Variants in DPP6 observed in about 807,000 individuals in gnomAD.
The protein encoded by DPP6 is A-type potassium channel modulatory protein DPP6.
In DPP6, 69 loss-of-function variants were observed where a neutral mutation model predicts 122.6. The ratio of observed to expected loss-of-function variants is 0.56; its 90% CI spans 0.46 to 0.69. DPP6 has a LOEUF of 0.69. Ranked by LOEUF, DPP6 falls within the 30% of genes least tolerant of loss-of-function variation. The pLI, the probability that DPP6 is intolerant of heterozygous loss-of-function variation, is 0.00. For synonymous variants in DPP6, 418 were observed against 433.1 expected (o/e 0.97, Z 0.43); for missense variants, 928 against 1,116.9 (o/e 0.83, Z 2.41).
chr7:154,744,507 A>G (rs1842952039), intron 8 of DPP6, among the ~76,000 whole-genome samples: 2 of 152,316 alleles, frequency 1.3e-5, no homozygotes, highest in East Asian at 3.9e-4. Flanking sequence ...CTCTGATGAT[A>G]ATGAGGGGAT....
rs1030301649 is a variant in DPP6, at chr7:153,963,258, G to A, written c.51+75524G>A. 2.2e-4 allele frequency among the ~76,000 whole-genome samples: 34 copies of A among 151,908 alleles called. 1 individual carries two copies. Among genetic ancestry groups the A allele is most frequent in the Admixed American group, 9.2e-4 (14 of 15,268 alleles). ...GGAGTTGAGTGGCCACGCTCATAAG[G>A]AGCTTTGCCACCCCTCGGTTTCCCG... On this transcript the variant is annotated intron_variant, in intron 1 of 25. Coordinates refer to the DPP6 transcript ENST00000404039.
chr7:153,768,035 G>A, the DPP6 span, among the ~76,000 whole-genome samples: 53,679 of 151,162 alleles, frequency 0.36, 10,172 homozygotes, highest in South Asian at 0.48. Context: ...ATGGAACTAG[G>A]GTTGCAGACA....
At chr7:154,256,614 T>C (rs1166965761) in intron 1 of DPP6, among the ~76,000 whole-genome samples, 1 of 152,230 alleles carries the variant, frequency 6.6e-6, no homozygotes, top group Non-Finnish European at 1.5e-5. Flanking sequence ...TCTTTTGTTC[T>C]TAAATATTTT....
chr7:154,047,411 C>T (rs1800074476), upstream of DPP6, among the ~76,000 whole-genome samples: 1 of 150,008 alleles, frequency 6.7e-6, no homozygotes, highest in African/African-American at 2.5e-5. Context: ...TCTAGGGGCA[C>T]TTTGGAGCAG....
At position 153,908,168 on chromosome 7, in the gene DPP6, T is replaced by TGCAA. The variant is rs373769826; in HGVS notation, c.51+20436_51+20439dup. 2.0e-3 allele frequency among the ~76,000 whole-genome samples: 311 copies of TGCAA among 152,198 alleles called. 3 individuals are homozygous for TGCAA. The highest frequency in any genetic ancestry group is 7.2e-3 in the African/African-American group (300 of 41,528). Reference sequence around the variant, plus strand: ...TATAGCTTCCGTGCATCACCACTTGTGCAAGGTACTGTAGAATGGATTCAA... The same window carrying TGCAA: ...TATAGCTTCCGTGCATCACCACTTGTGCAAGCAAGGTACTGTAGAATGGATTCAA... On this transcript the variant is annotated intron_variant, in intron 1 of 25. Coordinates refer to the DPP6 transcript ENST00000404039.
At chr7:154,305,428 C>A in intron 1 of DPP6, 1 of 1,353,764 alleles carries the variant, frequency 7.4e-7, no homozygotes. Flanking sequence ...ACCGCTTGGA[C>A]TCTGGTGGCT....
chr7:154,198,319 A>AT (rs201907631), intron 1 of DPP6, among the ~76,000 whole-genome samples: 10 of 126,514 alleles, frequency 7.9e-5, no homozygotes, highest in Non-Finnish European at 1.5e-4. Context: ...TTTTATTATT[A>AT]TTTTTTTTTT....
At chr7:153,969,969 A>G (rs1795947206) in intron 1 of DPP6, among the ~76,000 whole-genome samples, 1 of 151,964 alleles carries the variant, frequency 6.6e-6, no homozygotes, top group Non-Finnish European at 1.5e-5. Flanking sequence ...TTCTCAGTAC[A>G]ATACCTTCAA....
chr7:153,975,003 G>A (rs1236848698), intron 1 of DPP6, among the ~76,000 whole-genome samples: 6 of 152,262 alleles, frequency 3.9e-5, no homozygotes, highest in South Asian at 2.1e-4. Flanking sequence ...CTAAGGCTTC[G>A]AATCCTGTTT....
intron 1 of DPP6, among the ~76,000 whole-genome samples, chr7:154,286,621 A>C (rs538893323): frequency 2.9e-4 from 44 of 152,204 alleles, no homozygotes; most frequent in Admixed American, 5.9e-4. Context: ...TTGAGTCCAG[A>C]CATCAGGTGG....
chr7:154,240,065 G>T (rs980692604), intron 1 of DPP6, among the ~76,000 whole-genome samples: 1 of 141,450 alleles, frequency 7.1e-6, no homozygotes, highest in African/African-American at 2.6e-5. Context: ...CAGCTGCTCG[G>T]AGGTTCAAGG....
At chr7:153,939,750 G>C (rs945976627) in intron 1 of DPP6, among the ~76,000 whole-genome samples, 1 of 152,162 alleles carries the variant, frequency 6.6e-6, no homozygotes, top group African/African-American at 2.4e-5. Flanking sequence ...GCAAATAATT[G>C]CACAGACTTT....
intron 1 of DPP6, among the ~76,000 whole-genome samples, chr7:153,916,027 C>T (rs1439923201): frequency 4.0e-5 from 6 of 151,832 alleles, no homozygotes; most frequent in South Asian, 4.2e-4. Context: ...AGTGCAGTGG[C>T]GCGATCTCTG....
At chr7:154,633,371 C>T (rs1245408768) in intron 5 of DPP6, among the ~76,000 whole-genome samples, 3 of 151,976 alleles carry the variant, frequency 2.0e-5, no homozygotes, top group South Asian at 4.2e-4. Flanking sequence ...GGAGTAGCTG[C>T]GATTACAGGC....
intron 4 of DPP6, among the ~76,000 whole-genome samples, chr7:154,565,679 C>G (rs1207032519): frequency 1.3e-5 from 2 of 152,162 alleles, no homozygotes; most frequent in African/African-American, 4.8e-5. Context: ...GCATGCACCA[C>G]CATACCCAGC....
At position 154,247,116 on chromosome 7, in the gene DPP6, C is replaced by A. The variant is rs542683280; in HGVS notation, c.243+194053C>A. ...TCATTTGAGGTCAGGAGTTTGAGAC[C>A]AGCCTGGCCAACATGGTGATACCCC... On this transcript the variant is annotated intron_variant, in intron 1 of 25. Transcript: ENST00000377770. Among the ~76,000 whole-genome samples the A allele has an allele frequency of 1.2e-3, 186 of 152,220 alleles. 1 individual carries two copies. The highest frequency in any genetic ancestry group is 4.2e-3 in the African/African-American group (176 of 41,534).
chr7:154,770,126 G>A (rs1011506894), intron 9 of DPP6, among the ~76,000 whole-genome samples: 1 of 152,158 alleles, frequency 6.6e-6, no homozygotes, highest in Non-Finnish European at 1.5e-5. Flanking sequence ...GTGCCCTTAT[G>A]TATTTGTCTA....
chr7:154,873,390 C>T (rs1446109091), intron 19 of DPP6, among the ~76,000 whole-genome samples: 33 of 152,180 alleles, frequency 2.2e-4, no homozygotes, highest in Admixed American at 2.2e-3. Flanking sequence ...CCCAATGCAC[C>T]TCCTGGTCTG....
the DPP6 span, among the ~76,000 whole-genome samples, chr7:153,847,273 T>C: frequency 6.6e-6 from 1 of 152,186 alleles, no homozygotes; most frequent in Non-Finnish European, 1.5e-5. Flanking sequence ...ACTGTATATT[T>C]CCCTGCTGGG....
Sources: gnomAD v4.1 joint callset for allele counts (sites outside exome capture counted in the v4.1 genomes callset) on GRCh38, gnomAD v4.1.1 for gene constraint, MANE v1.5 for transcripts, NCBI Gene and HGNC (gene_info 2026-07-23, HGNC 2026-07-21) for gene names.